The following LARS2 variants were observed in gnomAD, a reference collection of about 807,000 sequenced individuals.
LARS2 encodes leucyl-tRNA synthetase 2, mitochondrial.
LARS2 carries 81 observed loss-of-function variants against 116.6 expected under a neutral mutation model. The observed-to-expected ratio is 0.69, with a 90% CI of 0.58 to 0.84. The LOEUF (loss-of-function observed/expected upper bound fraction) is 0.84. Ranked by LOEUF, LARS2 falls within the 40% of genes least tolerant of loss-of-function variation. The pLI, the probability that LARS2 is intolerant of heterozygous loss-of-function variation, is 0.00. For synonymous variants in LARS2, 396 were observed against 407.2 expected (o/e 0.97, Z 0.33); for missense variants, 968 against 1,114.5 (o/e 0.87, Z 1.87).
At chr3:45,449,386 T>G (rs1341071871) in intron 7 of LARS2, among the ~76,000 whole-genome samples, 2 of 152,048 alleles carry the variant, frequency 1.3e-5, no homozygotes, top group South Asian at 4.2e-4. Flanking sequence ...GGTCTTGAAC[T>G]CCCAAACTCA....
chr3:45,398,818 G>GA (rs1575228379), intron 3 of LARS2, among the ~76,000 whole-genome samples: 1 of 152,194 alleles, frequency 6.6e-6, no homozygotes, highest in East Asian at 1.9e-4. Flanking sequence ...CAGACGTGGA[G>GA]AAAGAGGTGA....
At chr3:45,410,133 A>G (rs973456204) in intron 4 of LARS2, among the ~76,000 whole-genome samples, 1 of 152,240 alleles carries the variant, frequency 6.6e-6, no homozygotes, top group Non-Finnish European at 1.5e-5. Context: ...CAAAGAAACC[A>G]AGTGGTAATT....
At chr3:45,392,302 CTTTTTTT>C (rs749403733) in intron 2 of LARS2, among the ~76,000 whole-genome samples, 1 of 138,222 alleles carries the variant, frequency 7.2e-6, no homozygotes, top group Non-Finnish European at 1.6e-5. Flanking sequence ...TCTTTTTTAT[CTTTTTTT>C]TTTTTTTTTT....
chr3:45,408,688 T>C (rs773159582), intron 4 of LARS2, among the ~76,000 whole-genome samples: 6 of 152,232 alleles, frequency 3.9e-5, no homozygotes, highest in Non-Finnish European at 8.8e-5. Context: ...CTTCTGCAGC[T>C]GAGATCAGCC....
intron 7 of LARS2, among the ~76,000 whole-genome samples, chr3:45,448,911 G>T (rs1027896217): frequency 6.6e-6 from 1 of 152,202 alleles, no homozygotes; most frequent in African/African-American, 2.4e-5. Context: ...TGGCCAGTTT[G>T]GGGGCCAGTT....
chr3:45,418,068 G>A (rs1425838296), intron 5 of LARS2, among the ~76,000 whole-genome samples: 8 of 152,170 alleles, frequency 5.3e-5, no homozygotes, highest in Non-Finnish European at 5.9e-5. Flanking sequence ...TCTCCAAGGC[G>A]GAACACACTC....
intron 3 of LARS2, 130 bp from the exon 4 acceptor site, chr3:45,400,115 G>T: frequency 1.2e-6 from 1 of 864,280 alleles, no homozygotes; most frequent in Non-Finnish European, 1.7e-6. Flanking sequence ...TTACATTCTG[G>T]GAACACTCTT....
intron 7 of LARS2, among the ~76,000 whole-genome samples, chr3:45,455,733 G>A (rs1699202203): frequency 6.6e-6 from 1 of 152,014 alleles, no homozygotes. Flanking sequence ...CCAAGATATG[G>A]AATCAACCTA....
In LARS2 at chr3:45,419,655, C is replaced by G. The variant is rs761926103; in HGVS notation, c.456-14C>G. Reference sequence around the variant, plus strand: ...CCTCTCTAAAAACCAAACCTTTTTCCCATTGTTTCACAGTAATATTAAACA... The same window carrying G: ...CCTCTCTAAAAACCAAACCTTTTTCGCATTGTTTCACAGTAATATTAAACA... On this transcript the variant is annotated splice_polypyrimidine_tract_variant and intron_variant, in intron 5 of 21. Transcript: ENST00000645846. 3 of 1,610,614 alleles carry G rather than the reference C, an allele frequency of 1.9e-6. No individual in the cohort carries two copies. The highest frequency in any genetic ancestry group is 4.5e-5 in the East Asian group (2 of 44,866).
In LARS2 at chr3:45,476,583, G is replaced by C; in HGVS notation, c.974G>C (p.Ser325Thr). 6.2e-7 allele frequency: 1 copy of C among 1,614,170 alleles called. No individual in the cohort carries two copies. Among genetic ancestry groups the C allele is most frequent in the Non-Finnish European group, 8.5e-7 (1 of 1,180,016 alleles). ...SPSHRLLHGHSSLKEALRMAL... is the reference protein window; with the variant it reads ...SPSHRLLHGHTSLKEALRMAL... The stretch of plus-strand genomic sequence containing the variant: ...AGCCACAGACTCCTACATGGGCACA[G>C]CTCTCTGAAGGAAGCCTTGAGGATG... Residue 325 changes from serine (S) to threonine (T), a missense_variant, in exon 10 of 22, where the codon AGC becomes ACC. By Grantham distance (58) the Ser-to-Thr change is moderately conservative. Transcript: ENST00000645846.
chr3:45,514,063 A>C (rs940429726), intron 16 of LARS2, among the ~76,000 whole-genome samples: 1 of 152,086 alleles, frequency 6.6e-6, no homozygotes, highest in Non-Finnish European at 1.5e-5. Flanking sequence ...AAAATGAGCC[A>C]GGCGTGGAGG....
At chr3:45,424,709 T>C (rs1418782334) in intron 6 of LARS2, among the ~76,000 whole-genome samples, 2 of 152,234 alleles carry the variant, frequency 1.3e-5, no homozygotes, top group East Asian at 3.8e-4. Flanking sequence ...CATTTTCCAT[T>C]TTTCGTCAGA....
chr3:45,404,009 AATT>A (rs1163404732), intron 4 of LARS2, among the ~76,000 whole-genome samples: 6 of 152,344 alleles, frequency 3.9e-5, no homozygotes, highest in African/African-American at 1.2e-4. Flanking sequence ...TGACAGCTGT[AATT>A]ATTATTTATA....
At chr3:45,522,073 C>T (rs564470800) in intron 19 of LARS2, among the ~76,000 whole-genome samples, 1 of 152,222 alleles carries the variant, frequency 6.6e-6, no homozygotes, top group South Asian at 2.1e-4. Flanking sequence ...CCACTGTACT[C>T]TAGCCTGGGT....
intron 10 of LARS2, among the ~76,000 whole-genome samples, chr3:45,481,137 AATCAAATAT>A (rs1174574479): frequency 6.6e-6 from 1 of 152,190 alleles, no homozygotes; most frequent in African/African-American, 2.4e-5. Context: ...ATGTAGATGG[AATCAAATAT>A]AATATTTGTC....
At chr3:45,501,432 G>T (rs1309728095) in intron 15 of LARS2, among the ~76,000 whole-genome samples, 1 of 151,946 alleles carries the variant, frequency 6.6e-6, no homozygotes, top group Non-Finnish European at 1.5e-5. Flanking sequence ...TATATTTCAG[G>T]TATTCTGTCT....
chr3:45,519,344 A>G (rs1199485999), intron 18 of LARS2, among the ~76,000 whole-genome samples: 2 of 151,568 alleles, frequency 1.3e-5, no homozygotes. Flanking sequence ...ACAAAAAATT[A>G]GCCTGGCGTG....
At chr3:45,530,929 T>C (rs551502331) in intron 20 of LARS2, among the ~76,000 whole-genome samples, 7 of 152,340 alleles carry the variant, frequency 4.6e-5, no homozygotes, top group African/African-American at 1.7e-4. Context: ...GACATTTCAA[T>C]TGAAATGTGG....
intron 20 of LARS2, among the ~76,000 whole-genome samples, chr3:45,540,753 T>C (rs1184731539): frequency 1.7e-5 from 2 of 116,894 alleles, no homozygotes; most frequent in African/African-American, 3.2e-5. Flanking sequence ...TCTGTCTATC[T>C]ATCTATCTAT....
Sources: allele counts gnomAD v4.1 joint callset (sites outside exome capture counted in the v4.1 genomes callset), GRCh38; gene constraint gnomAD v4.1.1; transcripts MANE v1.5; gene names NCBI Gene and HGNC (gene_info 2026-07-23, HGNC 2026-07-21).